Variants in NME8 observed in about 807,000 individuals in gnomAD.
NME8 encodes the protein protein NME8.
In NME8, 72 loss-of-function variants were observed where a neutral mutation model predicts 82.3. The observed-to-expected ratio is 0.87, with a 90% CI of 0.72 to 1.06. NME8 has a LOEUF of 1.06. Ranked by LOEUF, NME8 falls within the 50% of genes least tolerant of loss-of-function variation. The pLI, the probability that NME8 is intolerant of heterozygous loss-of-function variation, is 0.00. For missense variants in NME8, 712 were observed against 685.4 expected (o/e 1.04, Z -0.43); for synonymous variants, 267 against 228.5 (o/e 1.17, Z -1.52).
intron 13 of NME8, 34 bp from the exon 14 acceptor site, chr7:37,885,111 C>A: frequency 7.2e-7 from 1 of 1,398,102 alleles, no homozygotes; most frequent in Non-Finnish European, 1.0e-6. Flanking sequence ...AGCTACACTT[C>A]TTATTACCTC....
At chr7:37,890,762 T>C (rs936584403) in intron 15 of NME8, among the ~76,000 whole-genome samples, 2 of 152,018 alleles carry the variant, frequency 1.3e-5, no homozygotes, top group African/African-American at 4.8e-5. Flanking sequence ...TTTCATTACT[T>C]TTTATAGCTG....
intron 11 of NME8, among the ~76,000 whole-genome samples, chr7:37,870,692 T>TATAG (rs2131954825): frequency 6.6e-6 from 1 of 152,246 alleles, no homozygotes; most frequent in African/African-American, 2.4e-5. Context: ...AAGCTTGGTC[T>TATAG]ATAGGCTTCT....
rs80151492 is a variant in NME8, at chr7:37,883,085, A to G, written c.995-1218A>G. Among the ~76,000 whole-genome samples, 1,204 of 152,236 alleles carry G rather than the reference A, an allele frequency of 7.9e-3. 13 individuals carry two copies. Among genetic ancestry groups the G allele is most frequent in the African/African-American group, 0.027 (1,129 of 41,544 alleles). The stretch of plus-strand genomic sequence containing the variant: ...AGGGAAGGCAATCTCCAGGATTCTC[A>G]AGGATTGACAATCGACCTACTCTCC... On this transcript the variant is annotated intron_variant, in intron 12 of 17. Transcript: ENST00000199447.
intron 10 of NME8, 87 bp downstream of exon 10, chr7:37,865,704 T>C (rs1784666674): frequency 3.4e-6 from 3 of 872,852 alleles, no homozygotes. Context: ...GAAAAGCAAA[T>C]TAGTAAGTCT....
chr7:37,875,797 G>T (rs1379510299), intron 11 of NME8, among the ~76,000 whole-genome samples: 1 of 151,990 alleles, frequency 6.6e-6, no homozygotes, highest in Admixed American at 6.6e-5. Flanking sequence ...CAACATAACG[G>T]CTAAGTACCT....
At chr7:37,885,284 T>C (rs199687274) in intron 14 of NME8, 32 bp downstream of exon 14, 2 of 1,324,114 alleles carry the variant, frequency 1.5e-6, no homozygotes, top group African/African-American at 2.9e-5. Context: ...ACTATCTGTT[T>C]TCGTGGGCTC....
chr7:37,854,845 T>C (rs1392185363), intron 5 of NME8, among the ~76,000 whole-genome samples: 1 of 152,170 alleles, frequency 6.6e-6, no homozygotes, highest in Admixed American at 6.5e-5. Context: ...CTTTTATGAC[T>C]TCCTTAATTG....
chr7:37,859,874 A>G (rs1402460093), intron 6 of NME8, among the ~76,000 whole-genome samples: 2 of 152,166 alleles, frequency 1.3e-5, no homozygotes, highest in African/African-American at 4.8e-5. Flanking sequence ...CAGACTGCCC[A>G]TTGCTCCACA....
At chr7:37,886,611 A>T (rs1785044500) in intron 14 of NME8, among the ~76,000 whole-genome samples, 1 of 151,952 alleles carries the variant, frequency 6.6e-6, no homozygotes, top group African/African-American at 2.4e-5. Context: ...GTTACCTGTT[A>T]CTCCCTCTAT....
At chr7:37,875,040 T>C (rs1244785907) in intron 11 of NME8, among the ~76,000 whole-genome samples, 1 of 152,066 alleles carries the variant, frequency 6.6e-6, no homozygotes, top group Non-Finnish European at 1.5e-5. Context: ...CTGCCAAAGG[T>C]TCATAACCAG....
At chr7:37,883,146 A>T (rs1029346239) in intron 12 of NME8, among the ~76,000 whole-genome samples, 1 of 152,146 alleles carries the variant, frequency 6.6e-6, no homozygotes, top group African/African-American at 2.4e-5. Flanking sequence ...ATGCAGATTT[A>T]CCTTCCCTGA....
At chr7:37,879,111 T>C (rs1261817263) in intron 12 of NME8, among the ~76,000 whole-genome samples, 1 of 151,188 alleles carries the variant, frequency 6.6e-6, no homozygotes, top group African/African-American at 2.4e-5. Context: ...TATCATACAG[T>C]ATATAGCCTT....
intron 11 of NME8, among the ~76,000 whole-genome samples, chr7:37,868,102 C>G (rs1454164384): frequency 6.6e-6 from 1 of 152,140 alleles, no homozygotes; most frequent in Non-Finnish European, 1.5e-5. Context: ...AAGTAGTTGG[C>G]TTGTGGGTTG....
At chr7:37,888,707 G>T (rs1469017337) in intron 15 of NME8, among the ~76,000 whole-genome samples, 2 of 152,036 alleles carry the variant, frequency 1.3e-5, no homozygotes, top group Admixed American at 1.3e-4. Context: ...TTATGAAAAT[G>T]ATGAGTTGTT....
intron 15 of NME8, among the ~76,000 whole-genome samples, chr7:37,892,390 A>G (rs915453819): frequency 6.6e-5 from 10 of 151,262 alleles, no homozygotes; most frequent in African/African-American, 2.4e-4. Flanking sequence ...GATTCTTTTG[A>G]AGTTTCTGAG....
intron 15 of NME8, among the ~76,000 whole-genome samples, chr7:37,892,516 T>TAC (rs898392104): frequency 1.3e-3 from 199 of 151,632 alleles, no homozygotes; most frequent in African/African-American, 4.6e-3. Context: ...CACAGATATG[T>TAC]ACACACACAC....
chr7:37,870,667 G>A (rs996572643), intron 11 of NME8, among the ~76,000 whole-genome samples: 6 of 152,094 alleles, frequency 3.9e-5, no homozygotes, highest in African/African-American at 7.2e-5. Context: ...GCAGCCAGTG[G>A]GCTGCAGGTT....
intron 5 of NME8, 121 bp from the exon 6 acceptor site, chr7:37,857,153 C>A: frequency 1.4e-6 from 1 of 737,944 alleles, no homozygotes. Context: ...ACCACTAAGG[C>A]ATACCGAATG....
At chr7:37,873,139 C>T (rs1464606646) in intron 11 of NME8, among the ~76,000 whole-genome samples, 1 of 152,104 alleles carries the variant, frequency 6.6e-6, no homozygotes, top group African/African-American at 2.4e-5. Flanking sequence ...GTAATCCCAG[C>T]ATTTGAAGTC....
Sources: gnomAD v4.1 joint callset for allele counts (sites outside exome capture counted in the v4.1 genomes callset) on GRCh38, gnomAD v4.1.1 for gene constraint, MANE v1.5 for transcripts, NCBI Gene and HGNC (gene_info 2026-07-23, HGNC 2026-07-21) for gene names.